PHACTR4: variants seen among roughly 807,000 people sequenced by gnomAD.
The protein encoded by PHACTR4 is phosphatase and actin regulator 4, also known as protein phosphatase 1, regulatory subunit 124.
PHACTR4 carries 51 observed loss-of-function variants against 72.7 expected under a neutral mutation model. The ratio of observed to expected loss-of-function variants is 0.70; its 90% CI spans 0.56 to 0.89. The LOEUF (loss-of-function observed/expected upper bound fraction) is 0.89, where lower values mean the gene tolerates loss of function less well. PHACTR4 is among the 40% of genes least tolerant of loss of function. PHACTR4 has a pLI of 0.00. For missense variants in PHACTR4, 731 were observed against 861.8 expected, an observed-to-expected ratio of 0.85 and a Z score of 1.90; for synonymous variants, 255 against 302.5, an observed-to-expected ratio of 0.84 and a Z score of 1.63.
At chr1:28,450,974 C>CTTTTTTTTTTTTTTTTGTTTTTTTTTTTT (rs1657916571) in intron 2 of PHACTR4, among the ~76,000 whole-genome samples, 1 of 72,076 alleles carries the variant, frequency 1.4e-5, no homozygotes, top group Non-Finnish European at 2.7e-5. Context: ...CCACACCCAG[C>CTTTTTTTTTTTTTTTTGTTTTTTTTTTTT]TTTTTTTTTT....
rs1652399815 is a variant in PHACTR4 at position 28,384,240 on chromosome 1, C to T, written c.-39+14415C>T. ...TGGAATGGTTTCAGCAGGAATGGTA[C>T]CAGCTCTTCTTGGTACATCTGGTAG... On this transcript the variant is annotated intron_variant, in intron 1 of 13. Transcript: ENST00000373839. Among the ~76,000 whole-genome samples the T allele has an allele frequency of 1.3e-5, 2 of 152,126 alleles. 1 individual carries two copies. Among genetic ancestry groups the T allele is most frequent in the South Asian group, 4.1e-4 (2 of 4,824 alleles).
At chr1:28,389,923 A>G (rs773036634) in intron 1 of PHACTR4, among the ~76,000 whole-genome samples, 7 of 152,194 alleles carry the variant, frequency 4.6e-5, no homozygotes, top group Non-Finnish European at 1.0e-4. Context: ...GCTCATGTTC[A>G]TTGCAGCATT....
chr1:28,455,999 A>AT (rs577661704), intron 2 of PHACTR4, among the ~76,000 whole-genome samples: 2 of 151,696 alleles, frequency 1.3e-5, no homozygotes, highest in African/African-American at 4.8e-5. Context: ...CAGTGGCTTT[A>AT]TTTTTTTTAT....
chr1:28,414,183 C>T (rs539744511), intron 2 of PHACTR4, among the ~76,000 whole-genome samples: 9 of 152,006 alleles, frequency 5.9e-5, no homozygotes, highest in Non-Finnish European at 1.3e-4. Flanking sequence ...TCAAATGATT[C>T]TCCTGGCCTC....
At chr1:28,454,735 A>T (rs1446585463) in intron 2 of PHACTR4, among the ~76,000 whole-genome samples, 1 of 152,196 alleles carries the variant, frequency 6.6e-6, no homozygotes, top group African/African-American at 2.4e-5. Context: ...CCAATAACAC[A>T]TAATTGGAGA....
chr1:28,488,236 G>T (rs186956758), intron 9 of PHACTR4, among the ~76,000 whole-genome samples: 1 of 152,008 alleles, frequency 6.6e-6, no homozygotes, highest in South Asian at 2.1e-4. Flanking sequence ...GGTGGCTCAC[G>T]CCTGTAATCC....
At position 28,446,846 on chromosome 1, in the gene PHACTR4, T is replaced by C. The variant is rs557934307; in HGVS notation, c.17-12239T>C. Among the ~76,000 whole-genome samples the C allele has an allele frequency of 5.3e-5, 8 of 152,140 alleles. No homozygotes were observed. The East Asian group carries it at 1.5e-3, about 29-fold the overall frequency. Reference sequence around the variant, plus strand: ...TGCTCCTGTTCTGGGCCATGTGACGTGTCTACTCCCCCTTCATCTTCCACC... The same window carrying C: ...TGCTCCTGTTCTGGGCCATGTGACGCGTCTACTCCCCCTTCATCTTCCACC... On this transcript the variant is annotated intron_variant, in intron 2 of 13. Coordinates refer to ENST00000373839, the MANE Select transcript of PHACTR4 (RefSeq NM_001048183.3).
intron 8 of PHACTR4, among the ~76,000 whole-genome samples, chr1:28,478,849 C>T (rs1484942020): frequency 2.0e-5 from 3 of 151,738 alleles, no homozygotes; most frequent in East Asian, 3.9e-4. Context: ...TCTGAAACTC[C>T]CAGCCTCAAG....
At position 28,466,782 on chromosome 1, in the gene PHACTR4, T is replaced by C. The variant is rs1659203661; in HGVS notation, c.823+14T>C. 4 of 1,598,410 alleles carry C rather than the reference T, an allele frequency of 2.5e-6. No homozygotes were observed. Among genetic ancestry groups the C allele is most frequent in the Admixed American group, 1.7e-5 (1 of 58,488 alleles). On this transcript the variant is annotated intron_variant, in intron 6 of 13. Transcript: ENST00000373839. ...ACCCTGTCATTGGTAAGTAAGTCTT[T>C]AGGCTTCCAGTGTTTTGGGTTTGGT...
chr1:28,444,315 C>T (rs570201657), intron 2 of PHACTR4, among the ~76,000 whole-genome samples: 9 of 144,002 alleles, frequency 6.2e-5, no homozygotes, highest in South Asian at 2.2e-4. Context: ...CTGCAACCTC[C>T]GACTCCCTGG....
intron 7 of PHACTR4, among the ~76,000 whole-genome samples, chr1:28,474,624 C>T (rs1222441606): frequency 6.6e-6 from 1 of 150,384 alleles, no homozygotes; most frequent in East Asian, 2.0e-4. Context: ...CTCACTGTAA[C>T]CTCTGCCGCC....
chr1:28,456,124 G>A (rs902701872), intron 2 of PHACTR4, among the ~76,000 whole-genome samples: 2 of 152,018 alleles, frequency 1.3e-5, no homozygotes, highest in African/African-American at 2.4e-5. Flanking sequence ...AAAGAAAAGA[G>A]CTTTATTTGA....
intron 9 of PHACTR4, among the ~76,000 whole-genome samples, chr1:28,481,740 A>G (rs1041396223): frequency 2.0e-5 from 3 of 151,262 alleles, no homozygotes; most frequent in Admixed American, 1.3e-4. Flanking sequence ...CAGTGAGCTG[A>G]GATCGCGCCA....
At position 28,500,197 on chromosome 1, in the gene PHACTR4, T is replaced by C. The variant is rs1442534839; in HGVS notation, c.*3648T>C. The C allele has an allele frequency of 6.6e-6, 1 of 152,154 alleles. No individual in the cohort carries two copies. Among genetic ancestry groups the C allele is most frequent in the African/African-American group, 2.4e-5 (1 of 41,436 alleles). 9.4% of individuals were successfully genotyped at this position (152,154 alleles called of 1,614,324 possible). On this transcript the variant is annotated 3_prime_UTR_variant, in exon 14 of 14. Transcript: ENST00000373839. ...CCCTTTCCATGTAAGTACCAACTTA[T>C]ATGGAAACTCACAATCATAATGTAA...
At chr1:28,439,858 A>G (rs1656875654) in intron 2 of PHACTR4, among the ~76,000 whole-genome samples, 1 of 152,190 alleles carries the variant, frequency 6.6e-6, no homozygotes, top group Non-Finnish European at 1.5e-5. Context: ...TTTGTTAGCA[A>G]GTATAGTAAG....
rs370134959 is a variant in PHACTR4, at chr1:28,490,951, C to G, written c.1817C>G (p.Pro606Arg). The G allele has an allele frequency of 1.1e-5, 18 of 1,613,226 alleles. No individual in the cohort carries two copies. Among genetic ancestry groups the G allele is most frequent in the African/African-American group, 1.3e-5 (1 of 74,860 alleles). ...EELEQRNILQ[P>R]KNEADRQAEK... ...CCTTCCTTCTGATTGTCAACTGTAG[C>G]TAAAAATGAAGCTGATCGTCAGGCA... The change falls in exon 11 of 14, where the codon CCT becomes CGT. Residue 606 changes from proline to arginine, a missense_variant and splice_region_variant. Transcript: ENST00000373839.
At chr1:28,377,431 G>T (rs1324736972) in intron 1 of PHACTR4, among the ~76,000 whole-genome samples, 7 of 150,836 alleles carry the variant, frequency 4.6e-5, no homozygotes, top group African/African-American at 1.7e-4. Context: ...GTAGAGATGG[G>T]GTTTCACCAT....
chr1:28,398,754 G>T (rs528686204), intron 1 of PHACTR4, among the ~76,000 whole-genome samples: 137 of 152,224 alleles, frequency 9.0e-4, no homozygotes, highest in African/African-American at 3.2e-3. Flanking sequence ...GGGAGCTGGA[G>T]GTTGCAGTGA....
chr1:28,400,589 AT>A (rs912654713), intron 1 of PHACTR4, among the ~76,000 whole-genome samples: 2 of 150,228 alleles, frequency 1.3e-5, no homozygotes, highest in Non-Finnish European at 3.0e-5. Context: ...TGAGTGAAGG[AT>A]TTTTTTTGAG....
Sources: allele counts gnomAD v4.1 joint callset (sites outside exome capture counted in the v4.1 genomes callset), GRCh38; gene constraint gnomAD v4.1.1; transcripts MANE v1.5; gene names NCBI Gene and HGNC (gene_info 2026-07-23, HGNC 2026-07-21).